Variants in KDM4C observed in about 807,000 individuals in gnomAD.
KDM4C encodes the protein lysine demethylase 4C.
Under a neutral mutation model 129.3 loss-of-function variants are expected in KDM4C, and 81 were observed. The ratio of observed to expected loss-of-function variants is 0.63; its 90% CI spans 0.52 to 0.75. The LOEUF (loss-of-function observed/expected upper bound fraction) is 0.75, where lower values mean the gene tolerates loss of function less well. Ranked by LOEUF, KDM4C falls within the 30% of genes least tolerant of loss-of-function variation. The probability of loss-of-function intolerance (pLI) is 0.00; values close to 1 mark genes in which losing one functional copy is unlikely to be tolerated. For synonymous variants in KDM4C, 573 were observed against 456.1 expected (o/e 1.26, Z -3.26); for missense variants, 1,457 against 1,304.0 (o/e 1.12, Z -1.81).
chr9:6,809,894 G>T (rs1206092521), intron 3 of KDM4C, among the ~76,000 whole-genome samples: 1 of 152,138 alleles, frequency 6.6e-6, no homozygotes, highest in South Asian at 2.1e-4. Flanking sequence ...GTACTCAGGA[G>T]GCTGAGGATT....
intron 18 of KDM4C, among the ~76,000 whole-genome samples, chr9:7,109,475 C>T (rs367988569): frequency 1.1e-4 from 16 of 152,302 alleles, no homozygotes; most frequent in African/African-American, 3.8e-4. Context: ...CAATCCAATT[C>T]GTTCCAACAG....
At position 6,726,792 on chromosome 9, in the gene KDM4C, G is replaced by A. The variant is rs536656802; in HGVS notation, c.49+5795G>A. On this transcript the variant is annotated intron_variant, in intron 1 of 17. Transcript: ENST00000536108. Reference sequence around the variant, plus strand: ...GCTCTGTCTCCTAGGCTGGAGTGCAGTGGCTCAATCTGGGCTCACTGCAAG... The same window carrying A: ...GCTCTGTCTCCTAGGCTGGAGTGCAATGGCTCAATCTGGGCTCACTGCAAG... Among the ~76,000 whole-genome samples, 7 of 152,260 alleles carry A rather than the reference G, an allele frequency of 4.6e-5. No homozygotes were observed. The South Asian group carries it at 6.2e-4, about 14-fold the overall frequency.
chr9:7,131,915 A>T (rs1224617108), intron 19 of KDM4C, among the ~76,000 whole-genome samples: 1 of 152,220 alleles, frequency 6.6e-6, no homozygotes, highest in South Asian at 2.1e-4. Flanking sequence ...GGTGGTAGAA[A>T]ATGATGTTTT....
intron 17 of KDM4C, among the ~76,000 whole-genome samples, chr9:7,063,214 T>G (rs4742297): frequency 0.57 from 86,504 of 152,024 alleles, 25,577 homozygotes; most frequent in Non-Finnish European, 0.65. Context: ...AAATTCTAAT[T>G]GCTTTCAGTT....
chr9:6,982,857 T>C (rs1031003852), intron 9 of KDM4C: 5 of 152,190 alleles, frequency 3.3e-5, no homozygotes, highest in African/African-American at 1.2e-4. Flanking sequence ...GTTCAAATAA[T>C]CAATGGAACT....
In KDM4C at chr9:6,758,990, G is replaced by A. The variant is rs902530652; in HGVS notation, c.-18+787G>A. Among the ~76,000 whole-genome samples, 1 of 151,880 alleles carries A rather than the reference G, an allele frequency of 6.6e-6. No homozygotes were observed. Among genetic ancestry groups the A allele is most frequent in the Admixed American group, 6.6e-5 (1 of 15,200 alleles). On this transcript the variant is annotated intron_variant, in intron 1 of 21. Transcript: ENST00000381309. This position sits in a 1 kb window ranked among gnomAD's most constrained non-coding sequence, Gnocchi z 4.6. ...TGCTTTCCGCGTGGACTTGATGCTG[G>A]GCTCCCCCTTTGCTGCGCGGTGCAA...
At chr9:7,104,408 G>A (rs938959481) in intron 18 of KDM4C, 1 of 152,398 alleles carries the variant, frequency 6.6e-6, no homozygotes, top group Non-Finnish European at 1.5e-5. Context: ...CATATGTGAG[G>A]GACAGCCTGG....
chr9:6,952,447 A>G (rs1034751109), intron 8 of KDM4C, among the ~76,000 whole-genome samples: 1 of 150,020 alleles, frequency 6.7e-6, no homozygotes, highest in Non-Finnish European at 1.5e-5. Context: ...AATTATTATT[A>G]TATGTTTTTT....
intron 15 of KDM4C, among the ~76,000 whole-genome samples, chr9:7,046,536 G>A (rs1200838499): frequency 6.6e-6 from 1 of 151,942 alleles, no homozygotes; most frequent in Non-Finnish European, 1.5e-5. Context: ...CATATACTAG[G>A]TGTGTGGACT....
intron 15 of KDM4C, among the ~76,000 whole-genome samples, chr9:7,030,697 T>C (rs567695854): frequency 2.3e-4 from 35 of 152,358 alleles, no homozygotes; most frequent in African/African-American, 7.9e-4. Context: ...AAGTACATTG[T>C]ATTTTAAATT....
chr9:7,115,254 C>G (rs1043720006), intron 18 of KDM4C, among the ~76,000 whole-genome samples: 1 of 151,954 alleles, frequency 6.6e-6, no homozygotes, highest in Non-Finnish European at 1.5e-5. Flanking sequence ...ATGCAAAATG[C>G]TTGCTTGCTT....
intron 8 of KDM4C, among the ~76,000 whole-genome samples, chr9:6,961,703 G>C (rs1189246299): frequency 6.6e-6 from 1 of 152,168 alleles, no homozygotes; most frequent in Non-Finnish European, 1.5e-5. Context: ...GTAAGGGTCT[G>C]TGGCCCTGTC....
intron 5 of KDM4C, among the ~76,000 whole-genome samples, chr9:6,869,919 A>G (rs1341208701): frequency 1.3e-5 from 2 of 152,202 alleles, no homozygotes; most frequent in African/African-American, 2.4e-5. Context: ...ATAATTTAAA[A>G]CTTAATGCTT....
intron 16 of KDM4C, among the ~76,000 whole-genome samples, chr9:7,047,201 A>G (rs1260459534): frequency 1.3e-5 from 2 of 152,044 alleles, no homozygotes; most frequent in Non-Finnish European, 1.5e-5. Context: ...AGCCCATATC[A>G]TCCAGGTGCC....
intron 8 of KDM4C, among the ~76,000 whole-genome samples, chr9:6,950,995 G>A (rs927290084): frequency 2.5e-4 from 38 of 151,782 alleles, no homozygotes; most frequent in African/African-American, 8.5e-4. Flanking sequence ...CTGAAGGGAG[G>A]CATTCATTTA....
intron 1 of KDM4C, chr9:6,748,690 T>A (rs1817966435): frequency 1.5e-6 from 2 of 1,352,460 alleles, no homozygotes; most frequent in Admixed American, 1.7e-5. Context: ...ATTTCTCACT[T>A]CATTGATCAT....
intron 8 of KDM4C, among the ~76,000 whole-genome samples, chr9:6,961,115 T>G (rs115641500): frequency 4.6e-4 from 70 of 152,368 alleles, no homozygotes; most frequent in Middle Eastern, 3.4e-3. Context: ...TTGTTTATAT[T>G]ATGTCAGCAT....
At chr9:7,112,185 G>C (rs745513804) in intron 18 of KDM4C, among the ~76,000 whole-genome samples, 6 of 152,260 alleles carry the variant, frequency 3.9e-5, no homozygotes, top group African/African-American at 1.4e-4. Flanking sequence ...TTACTCTTGC[G>C]ACTTTCCTTC....
intron 1 of KDM4C, among the ~76,000 whole-genome samples, chr9:6,763,541 A>G (rs1588114999): frequency 6.6e-6 from 1 of 152,068 alleles, no homozygotes; most frequent in Admixed American, 6.6e-5. Flanking sequence ...AAAAATATTG[A>G]CAGTAGTTAG....
Sources: gnomAD v4.1 joint callset for allele counts (sites outside exome capture counted in the v4.1 genomes callset) on GRCh38, gnomAD v4.1.1 for gene constraint, Gnocchi (gnomAD v3.1) non-coding constraint, MANE v1.5 for transcripts, NCBI Gene and HGNC (gene_info 2026-07-23, HGNC 2026-07-21) for gene names.